GALNT17: variants seen among roughly 807,000 people sequenced by gnomAD.
GALNT17 encodes UDP-GalNAc:polypeptide N-acetylgalactosaminyltransferase-like 3.
Under a neutral mutation model 63.7 loss-of-function variants are expected in GALNT17, and 29 were observed. The ratio of observed to expected loss-of-function variants is 0.46; its 90% CI spans 0.34 to 0.62. The LOEUF (loss-of-function observed/expected upper bound fraction) is 0.62. GALNT17 is among the 20% of genes least tolerant of loss of function. The pLI is 0.01. For synonymous variants in GALNT17, 305 were observed against 318.3 expected (o/e 0.96, Z 0.45); for missense variants, 603 against 799.6 (o/e 0.75, Z 2.97).
chr7:71,619,418 C>A (rs1790260949), intron 6 of GALNT17, among the ~76,000 whole-genome samples: 1 of 151,754 alleles, frequency 6.6e-6, no homozygotes, highest in South Asian at 2.1e-4. Flanking sequence ...GTCTTCTAAT[C>A]CATGAGCATA....
chr7:71,558,513 C>G (rs1439647844), intron 5 of GALNT17, among the ~76,000 whole-genome samples: 1 of 152,214 alleles, frequency 6.6e-6, no homozygotes, highest in South Asian at 2.1e-4. Flanking sequence ...GCTGATGATG[C>G]CTGTTCTAGA....
At chr7:71,172,719 T>G (rs17142649) in intron 1 of GALNT17, among the ~76,000 whole-genome samples, 2,340 of 152,302 alleles carry the variant, frequency 0.015, 50 homozygotes, top group African/African-American at 0.053. Flanking sequence ...AAATGTTTAC[T>G]GGATAGATAT....
At chr7:71,401,169 C>T (rs1313089784) in intron 3 of GALNT17, among the ~76,000 whole-genome samples, 1 of 149,906 alleles carries the variant, frequency 6.7e-6, no homozygotes, top group Non-Finnish European at 1.5e-5. Context: ...GATCTCAGCT[C>T]ACTGCAACCT....
intron 5 of GALNT17, among the ~76,000 whole-genome samples, chr7:71,468,420 TA>T (rs1787572945): frequency 6.6e-6 from 1 of 151,120 alleles, no homozygotes; most frequent in African/African-American, 2.4e-5. Flanking sequence ...TTTTATTTAT[TA>T]TTTTTTTTAA....
chr7:71,661,193 AGGTC>A (rs2117038250), intron 6 of GALNT17, among the ~76,000 whole-genome samples: 1 of 152,314 alleles, frequency 6.6e-6, no homozygotes, highest in Admixed American at 6.5e-5. Context: ...CTACAGCTGT[AGGTC>A]AGCTCTCCCA....
chr7:71,176,114 G>A (rs529788808), intron 1 of GALNT17, among the ~76,000 whole-genome samples: 1 of 152,126 alleles, frequency 6.6e-6, no homozygotes, highest in East Asian at 2.0e-4. Flanking sequence ...TCGACATGTG[G>A]CCTGGGATCC....
intron 1 of GALNT17, among the ~76,000 whole-genome samples, chr7:71,291,805 G>T (rs1583834194): frequency 1.3e-5 from 2 of 152,192 alleles, no homozygotes; most frequent in African/African-American, 4.8e-5. Flanking sequence ...TTATGAACTT[G>T]ATTTTCTCTA....
intron 1 of GALNT17, among the ~76,000 whole-genome samples, chr7:71,147,138 C>G (rs904568415): frequency 6.6e-6 from 1 of 152,074 alleles, no homozygotes; most frequent in Non-Finnish European, 1.5e-5. Flanking sequence ...GGTCCTTTAA[C>G]TCTCAGATTA....
At position 71,148,666 on chromosome 7, in the gene GALNT17, A is replaced by G. The variant is rs144389013; in HGVS notation, c.238+15626A>G. ...GAATACTGAAGGCTGTGGGCATTCAAACATACATACATAATTGTATTTTGT... is the reference window on the plus strand; with the variant it reads ...GAATACTGAAGGCTGTGGGCATTCAGACATACATACATAATTGTATTTTGT... On this transcript the variant is annotated intron_variant, in intron 1 of 10. Coordinates refer to ENST00000333538, the MANE Select transcript of GALNT17 (RefSeq NM_022479.3). Among the ~76,000 whole-genome samples, 899 of 152,134 alleles carry G rather than the reference A, an allele frequency of 5.9e-3. 9 individuals are homozygous for G. Among genetic ancestry groups the G allele is most frequent in the African/African-American group, 0.02 (847 of 41,506 alleles).
chr7:71,381,922 G>T (rs1426097768), intron 2 of GALNT17, among the ~76,000 whole-genome samples: 1 of 152,186 alleles, frequency 6.6e-6, no homozygotes, highest in African/African-American at 2.4e-5. Flanking sequence ...GCAAGTGGGT[G>T]GTTCTGTCTA....
In GALNT17 at chr7:71,148,860, T is replaced by TTATATATATATATA. The variant is rs59163644; in HGVS notation, c.238+15840_238+15853dup. 3.1e-3 allele frequency among the ~76,000 whole-genome samples: 321 copies of TTATATATATATATA among 103,108 alleles called. 2 individuals carry two copies. Among genetic ancestry groups the TTATATATATATATA allele is most frequent in the East Asian group, 0.011 (39 of 3,536 alleles). 67.6% of individuals were successfully genotyped at this position (103,108 alleles called of 152,430 possible). On this transcript the variant is annotated intron_variant, in intron 1 of 10. Transcript: ENST00000333538. ...GAAATACAGTAGTATTATGGTATTT[T>TTATATATATATATA]TATATATATATATATATATATATAT...
chr7:71,387,105 C>T (rs766950290), intron 2 of GALNT17, among the ~76,000 whole-genome samples: 2 of 151,824 alleles, frequency 1.3e-5, no homozygotes, highest in Non-Finnish European at 2.9e-5. Context: ...GAAGATTGCT[C>T]CTGTGGGTGA....
At chr7:71,458,303 A>T (rs937246667) in intron 5 of GALNT17, among the ~76,000 whole-genome samples, 1 of 152,186 alleles carries the variant, frequency 6.6e-6, no homozygotes, top group Non-Finnish European at 1.5e-5. Flanking sequence ...CCCTTGCAGG[A>T]TGTGCTGCAG....
intron 2 of GALNT17, among the ~76,000 whole-genome samples, chr7:71,375,311 G>A (rs2527305): frequency 0.031 from 4,754 of 152,234 alleles, 272 homozygotes; most frequent in African/African-American, 0.11. Flanking sequence ...TTGGTAATAC[G>A]TTTCTCATTT....
intron 9 of GALNT17, among the ~76,000 whole-genome samples, chr7:71,684,025 AAC>A (rs1791311772): frequency 6.6e-6 from 1 of 151,386 alleles, no homozygotes; most frequent in African/African-American, 2.4e-5. Context: ...AAAAAAAAAA[AAC>A]AAAAGAAACC....
At chr7:71,481,211 C>CCTCA (rs1787811335) in intron 5 of GALNT17, among the ~76,000 whole-genome samples, 1 of 152,186 alleles carries the variant, frequency 6.6e-6, no homozygotes, top group South Asian at 2.1e-4. Context: ...CTTTGGGAGG[C>CCTCA]TGAGGCAGGC....
chr7:71,310,962 AG>A (rs1462031590), intron 1 of GALNT17, among the ~76,000 whole-genome samples: 1 of 152,242 alleles, frequency 6.6e-6, no homozygotes, highest in East Asian at 1.9e-4. Context: ...CCTGCTTTGC[AG>A]GAGGTAACAC....
At chr7:71,336,670 C>T (rs1402059074) in intron 2 of GALNT17, among the ~76,000 whole-genome samples, 3 of 152,190 alleles carry the variant, frequency 2.0e-5, no homozygotes, top group African/African-American at 4.8e-5. Context: ...GACATGATGT[C>T]ATTCTTGTTT....
intron 2 of GALNT17, among the ~76,000 whole-genome samples, chr7:71,352,806 A>G (rs1454302930): frequency 6.6e-6 from 1 of 152,178 alleles, no homozygotes. Flanking sequence ...GGAACAACTA[A>G]TGAAGCAGGT....
Sources: gnomAD v4.1 joint callset for allele counts (sites outside exome capture counted in the v4.1 genomes callset) on GRCh38, gnomAD v4.1.1 for gene constraint, MANE v1.5 for transcripts, NCBI Gene and HGNC (gene_info 2026-07-23, HGNC 2026-07-21) for gene names.